Variants in INPP5B observed in about 807,000 individuals in gnomAD.
INPP5B encodes the protein type II inositol 1,4,5-trisphosphate 5-phosphatase.
A neutral mutation model predicts 118.5 loss-of-function variants in INPP5B; 90 were observed. The ratio of observed to expected loss-of-function variants is 0.76; its 90% confidence interval spans 0.64 to 0.90. INPP5B has a LOEUF of 0.90. Ranked by LOEUF, INPP5B falls within the 40% of genes least tolerant of loss-of-function variation. INPP5B has a pLI of 0.00. For missense variants in INPP5B, 984 were observed against 1,125.6 expected (o/e 0.87, Z 1.80); for synonymous variants, 385 against 418.9 (o/e 0.92, Z 0.99).
rs547457121 is a variant in INPP5B at position 37,929,424 on chromosome 1, A to G, written c.532+2489T>C. The G allele has an allele frequency of 3.3e-5, 5 of 152,326 alleles. No homozygotes were observed. The East Asian group carries it at 9.7e-4, about 29-fold the overall frequency. 9.4% of individuals were successfully genotyped at this position (152,326 alleles called of 1,614,324 possible). ...TGAGTCATCGTGCCCAGCCAGAAACAGCATTTTTAAGCAACTGTTTGCTTT... is the reference window on the plus strand; with the variant it reads ...TGAGTCATCGTGCCCAGCCAGAAACGGCATTTTTAAGCAACTGTTTGCTTT... On this transcript the variant is annotated intron_variant, in intron 7 of 23. Transcript: ENST00000373024.
Position 37,880,098 on chromosome 1 carries a change from C to T in INPP5B, c.1528G>A (p.Asp510Asn), listed in dbSNP as rs1197499403. The T allele has an allele frequency of 5.6e-6, 9 of 1,605,620 alleles. No individual in the cohort carries two copies. Among genetic ancestry groups the T allele is most frequent in the East Asian group, 2.2e-5 (1 of 44,790 alleles). ...PTYKYDTGSD[D>N]WDTSEKCRAP... ...CCTCTGACCTACCTGGTATCCCAGTCGTCAGAGCCCGTATCATACTTGTAA... is the reference window on the plus strand; with the variant it reads ...CCTCTGACCTACCTGGTATCCCAGTTGTCAGAGCCCGTATCATACTTGTAA... The change falls in exon 15 of 24, where the codon GAC (aspartate) becomes AAC (asparagine). Residue 510 changes from aspartate to asparagine, a missense_variant. Asp to Asn is a conservative substitution (Grantham distance 23). Coordinates refer to ENST00000373024, the MANE Select transcript of INPP5B (RefSeq NM_005540.3).
intron 6 of INPP5B, among the ~76,000 whole-genome samples, chr1:37,933,618 G>A (rs1387478777): frequency 6.6e-6 from 1 of 151,936 alleles, no homozygotes; most frequent in African/African-American, 2.4e-5. Flanking sequence ...TACTCGGGAG[G>A]CTGAGGCAGG....
At chr1:37,943,726 C>A in intron 4 of INPP5B, 57 bp from the exon 5 acceptor site, 1 of 1,612,372 alleles carries the variant, frequency 6.2e-7, no homozygotes, top group Non-Finnish European at 8.5e-7. Flanking sequence ...CCCTTGCCCC[C>A]CCATCAAGGA....
chr1:37,916,340 C>G (rs1310068972), intron 7 of INPP5B, among the ~76,000 whole-genome samples: 1 of 150,590 alleles, frequency 6.6e-6, no homozygotes, highest in Non-Finnish European at 1.5e-5. Context: ...GTGATCCGCC[C>G]ACCTCGACCT....
Position 37,902,588 on chromosome 1 carries a change from G to A in INPP5B, c.533-11134C>T, listed in dbSNP as rs898912959. 2.0e-5 allele frequency among the ~76,000 whole-genome samples: 3 copies of A among 151,854 alleles called. No homozygotes were observed. In the South Asian group the frequency reaches 6.2e-4, roughly 32 times the overall value. On this transcript the variant is annotated intron_variant, in intron 7 of 23. Transcript: ENST00000373024. Reference sequence around the variant, plus strand: ...AAAATTTTTTTTGAGATGTTGTTTCGCTCTTGTTAACCAGGCTGGAGTGCA... The same window carrying A: ...AAAATTTTTTTTGAGATGTTGTTTCACTCTTGTTAACCAGGCTGGAGTGCA...
At chr1:37,941,709 C>G (rs369136644) in intron 5 of INPP5B, among the ~76,000 whole-genome samples, 10 of 144,686 alleles carry the variant, frequency 6.9e-5, no homozygotes, top group Middle Eastern at 3.5e-3. Context: ...GAGGCCGAGG[C>G]GGGCGGATCA....
At chr1:37,896,598 G>C (rs1570164200) in intron 7 of INPP5B, among the ~76,000 whole-genome samples, 2 of 143,238 alleles carry the variant, frequency 1.4e-5, no homozygotes, top group African/African-American at 5.2e-5. Context: ...GGAAGGAGGT[G>C]GGGGGGTCAG....
intron 7 of INPP5B, among the ~76,000 whole-genome samples, chr1:37,897,467 A>G (rs930865395): frequency 6.6e-6 from 1 of 151,852 alleles, no homozygotes; most frequent in African/African-American, 2.4e-5. Flanking sequence ...CATGCGCTGT[A>G]TCCACTCAGG....
intron 23 of INPP5B, among the ~76,000 whole-genome samples, chr1:37,863,074 G>A (rs1344484379): frequency 6.6e-6 from 1 of 152,214 alleles, no homozygotes; most frequent in African/African-American, 2.4e-5. Context: ...GCGTGGTAGG[G>A]ATGGTTGAGG....
chr1:37,886,307 C>T (rs1171866960), intron 12 of INPP5B, among the ~76,000 whole-genome samples: 1 of 151,650 alleles, frequency 6.6e-6, no homozygotes, highest in African/African-American at 2.4e-5. Flanking sequence ...ACTAGCCAGT[C>T]AATGGCAAAG....
intron 7 of INPP5B, among the ~76,000 whole-genome samples, chr1:37,893,000 C>G (rs1169896452): frequency 1.3e-5 from 2 of 151,998 alleles, no homozygotes; most frequent in Non-Finnish European, 2.9e-5. Flanking sequence ...ACTTCTCAGC[C>G]TCCAAAACTG....
chr1:37,939,931 T>A (rs1235807705), intron 6 of INPP5B, among the ~76,000 whole-genome samples: 2 of 151,982 alleles, frequency 1.3e-5, no homozygotes, highest in Non-Finnish European at 2.9e-5. Context: ...TTTTCCCTTA[T>A]CCCCTAGTTT....
chr1:37,874,044 A>C lies in INPP5B; in HGVS notation c.1900T>G (p.Tyr634Asp). The C allele has an allele frequency of 1.2e-6, 2 of 1,606,490 alleles. No individual in the cohort carries two copies. The highest frequency in any genetic ancestry group is 1.7e-6 in the Non-Finnish European group (2 of 1,174,272). The change falls in exon 18 of 24, where the codon TAC becomes GAC. Residue 634 changes from tyrosine to aspartate, a missense_variant. Coordinates refer to ENST00000373024, the MANE Select transcript of INPP5B (RefSeq NM_005540.3). ...EFINKPDEES[Y>D]CKQWLNANPS... ...TTGGCATTCAGCCACTGCTTACAGT[A>C]AGACTCTTCATCAGGCTTGTTGATG...
rs897279343 is a variant in INPP5B, at chr1:37,921,889, G to A, written c.532+10024C>T. Among the ~76,000 whole-genome samples, 11 of 152,088 alleles carry A rather than the reference G, an allele frequency of 7.2e-5. 1 individual carries two copies. The highest frequency in any genetic ancestry group is 3.9e-4 in the Admixed American group (6 of 15,258). ...AGGCGTGGTGGCGGGCACCTGTAAC[G>A]GGCTTGCTGGCGAGCGCCTGTAATC... On this transcript the variant is annotated intron_variant, in intron 7 of 23. Coordinates refer to ENST00000373024, the MANE Select transcript of INPP5B (RefSeq NM_005540.3).
chr1:37,878,772 C>T, intron 15 of INPP5B, among the ~76,000 whole-genome samples: 1 of 151,960 alleles, frequency 6.6e-6, no homozygotes, highest in South Asian at 2.1e-4. Context: ...ACCTCAGCCT[C>T]CCGAATAGCT....
intron 7 of INPP5B, among the ~76,000 whole-genome samples, chr1:37,920,789 A>G (rs1162778965): frequency 6.6e-6 from 1 of 151,548 alleles, no homozygotes; most frequent in Non-Finnish European, 1.5e-5. Context: ...TACCCTCTCT[A>G]AGCCTCAATC....
intron 7 of INPP5B, among the ~76,000 whole-genome samples, chr1:37,924,921 C>T (rs1645175825): frequency 6.6e-6 from 1 of 152,106 alleles, no homozygotes; most frequent in Non-Finnish European, 1.5e-5. Context: ...CGCCTATAAT[C>T]CCAGCACTTT....
intron 17 of INPP5B, 23 bp downstream of exon 17, chr1:37,875,583 T>C (rs1642744532): frequency 6.3e-7 from 1 of 1,580,940 alleles, no homozygotes; most frequent in South Asian, 1.1e-5. Context: ...CCAATGCTAA[T>C]ATTCTTAACA....
intron 2 of INPP5B, 38 bp from the exon 3 acceptor site, chr1:37,945,888 A>G: frequency 6.4e-7 from 1 of 1,571,390 alleles, no homozygotes; most frequent in Non-Finnish European, 8.7e-7. Flanking sequence ...CCCAGAGGCG[A>G]GGCCTCTCCC....
Sources: gnomAD v4.1 joint callset for allele counts (sites outside exome capture counted in the v4.1 genomes callset) on GRCh38, gnomAD v4.1.1 for gene constraint, MANE v1.5 for transcripts, NCBI Gene and HGNC (gene_info 2026-07-23, HGNC 2026-07-21) for gene names.